Variants in BCR observed in about 807,000 individuals in gnomAD.
BCR encodes breakpoint cluster region protein.
Under a neutral mutation model 138.6 loss-of-function variants are expected in BCR, and 58 were observed. The observed-to-expected ratio is 0.42, with a 90% confidence interval of 0.34 to 0.52. BCR has a LOEUF of 0.52. BCR is among the 20% of genes least tolerant of loss of function. BCR has a pLI of 0.06. For synonymous variants in BCR, 786 were observed against 730.1 expected (o/e 1.08, Z -1.23); for missense variants, 1,599 against 1,727.2 (o/e 0.93, Z 1.32).
At chr22:23,307,903 A>C (rs1017837661) in intron 16 of BCR, 5 of 133,006 alleles carry the variant, frequency 3.8e-5, no homozygotes, top group African/African-American at 1.2e-4. Context: ...AGAGCTTCTT[A>C]TTTTCTGGCC....
chr22:23,297,729 A>G (rs1003549241), intron 16 of BCR, among the ~76,000 whole-genome samples: 1 of 152,264 alleles, frequency 6.6e-6, no homozygotes, highest in Admixed American at 6.5e-5. Flanking sequence ...CATTGACTCA[A>G]TTCATCCAAA....
At chr22:23,223,549 C>T (rs986107106) in intron 1 of BCR, among the ~76,000 whole-genome samples, 1 of 152,194 alleles carries the variant, frequency 6.6e-6, no homozygotes, top group Non-Finnish European at 1.5e-5. Context: ...CTTCCCTCTT[C>T]TCCTGGTATC....
chr22:23,201,835 G>A (rs923204648), intron 1 of BCR, among the ~76,000 whole-genome samples: 9 of 152,142 alleles, frequency 5.9e-5, no homozygotes, highest in South Asian at 2.1e-4. Flanking sequence ...CTGGGAGTCC[G>A]TGGACATTGG....
chr22:23,250,472 G>A (rs918895967), intron 1 of BCR, among the ~76,000 whole-genome samples: 5 of 152,184 alleles, frequency 3.3e-5, no homozygotes, highest in African/African-American at 9.7e-5. Flanking sequence ...TGAGGAAGGG[G>A]CTTTGCTGGC....
At chr22:23,238,617 C>T (rs1255672386) in intron 1 of BCR, among the ~76,000 whole-genome samples, 1 of 152,118 alleles carries the variant, frequency 6.6e-6, no homozygotes, top group Non-Finnish European at 1.5e-5. Flanking sequence ...GGATTCGAGG[C>T]AGCACTTCTG....
rs992691806 is a variant in BCR, at chr22:23,233,527, C to T, written c.1280-20272C>T. ...AAGAGGCCAGGCATGGAGGCTCGTG[C>T]CTGTAATCCCAGCACTTTGAGAGGC... is the stretch of plus-strand genomic sequence containing the variant. On this transcript the variant is annotated intron_variant, in intron 1 of 22. Coordinates refer to ENST00000305877, the MANE Select transcript of BCR (RefSeq NM_004327.4). Among the ~76,000 whole-genome samples the T allele has an allele frequency of 3.9e-5, 6 of 152,130 alleles. No homozygotes were observed. In the East Asian group the frequency reaches 9.6e-4, roughly 24 times the overall value.
chr22:23,302,667 A>G (rs939406444), intron 16 of BCR: 1 of 152,186 alleles, frequency 6.6e-6, no homozygotes, highest in Non-Finnish European at 1.5e-5. Context: ...CACGGGGGAG[A>G]AAGAGGCCAG....
rs776602598 is a variant in BCR, at chr22:23,285,150, C to T, written c.2355C>T (p.Asp785=). 9.3e-6 allele frequency: 15 copies of T among 1,613,754 alleles called. No individual in the cohort carries two copies. The highest frequency in any genetic ancestry group is 5.3e-5 in the African/African-American group (4 of 74,902). ...CCCTGGTGCCCGATGAGGAGCTGGA[C>T]GCTTTGAAGATCAAGATCTCCCAGA... ...NIPLVPDEEL[D]ALKIKISQIK... The change falls in exon 10 of 23, where the codon GAC becomes GAT. Residue 785 remains aspartate (D), a synonymous_variant. Coordinates refer to ENST00000305877, the MANE Select transcript of BCR (RefSeq NM_004327.4).
chr22:23,264,128 C>G (rs1602079883), intron 4 of BCR: 1 of 1,520,320 alleles, frequency 6.6e-7, no homozygotes, highest in East Asian at 2.3e-5. Context: ...AGGAGCCCCA[C>G]AACAGCACCC....
chr22:23,271,507 T>A, intron 5 of BCR, 25 bp from the exon 6 acceptor site: 1 of 1,613,332 alleles, frequency 6.2e-7, no homozygotes, highest in Non-Finnish European at 8.5e-7. Context: ...GTCATCTGTG[T>A]GAACATGCGC....
chr22:23,232,842 G>A (rs2072974137), intron 1 of BCR, among the ~76,000 whole-genome samples: 1 of 152,236 alleles, frequency 6.6e-6, no homozygotes, highest in African/African-American at 2.4e-5. Flanking sequence ...GGTCAGGCCA[G>A]ACCATGGAGC....
At chr22:23,309,303 T>C in intron 16 of BCR, 121 bp from the exon 17 acceptor site, 2 of 904,808 alleles carry the variant, frequency 2.2e-6, no homozygotes, top group Non-Finnish European at 3.5e-6. Flanking sequence ...ATGGAGGTGC[T>C]GGCCGCAGTC....
intron 1 of BCR, among the ~76,000 whole-genome samples, chr22:23,242,656 T>C (rs1207034332): frequency 6.6e-6 from 1 of 152,220 alleles, no homozygotes. Context: ...TCACAGACTC[T>C]GCCCCTCCAA....
chr22:23,194,391 ATTTT>A (rs1244638787), intron 1 of BCR, among the ~76,000 whole-genome samples: 88 of 139,942 alleles, frequency 6.3e-4, no homozygotes, highest in East Asian at 3.0e-3. Flanking sequence ...GTGGGTCTCC[ATTTT>A]TTTTTTCTTT....
chr22:23,273,740 C>T lies in BCR; in HGVS notation c.2081C>T (p.Pro694Leu), dbSNP rs2073538018. 6.2e-7 allele frequency: 1 copy of T among 1,614,006 alleles called. No individual in the cohort carries two copies. The highest frequency in any genetic ancestry group is 8.5e-7 in the Non-Finnish European group (1 of 1,180,042). Residue 694 changes from proline to leucine, a missense_variant, in exon 8 of 23, where the codon CCC becomes CTC. This residue lies in a region of BCR where 590 missense variants were observed against 762.4 expected (regional missense o/e 0.77). Transcript: ENST00000305877. The part of the protein sequence containing the change: ...FLSSINEEIT[P>L]RRQSMTVKKG... ...TCCAGCATCAATGAGGAGATCACAC[C>T]CCGACGGCAGTCCATGACGGTGAAG... is the stretch of plus-strand genomic sequence containing the variant.
chr22:23,271,564 G>C lies in BCR; in HGVS notation c.1893G>C (p.Lys631Asn). The change falls in exon 6 of 23, where the codon AAG becomes AAC. Residue 631 changes from lysine to asparagine, a missense_variant. Physicochemically the swap from Lys to Asn is moderately conservative, Grantham distance 94 (BLOSUM62 0). This residue lies in a region of BCR where 590 missense variants were observed against 762.4 expected (regional missense o/e 0.77). Coordinates refer to ENST00000305877, the MANE Select transcript of BCR (RefSeq NM_004327.4). ...NLRARSNKDA[K>N]DPTTKNSLET... ...GAGCCAGAAGCAACAAAGATGCCAA[G>C]GATCCAACGACCAAGAACTCTCTGG... 6.2e-7 allele frequency: 1 copy of C among 1,614,084 alleles called. No homozygotes were observed. The highest frequency in any genetic ancestry group is 8.5e-7 in the Non-Finnish European group (1 of 1,180,036).
At chr22:23,243,594 AAACTGGT>A (rs2073122498) in intron 1 of BCR, among the ~76,000 whole-genome samples, 1 of 151,888 alleles carries the variant, frequency 6.6e-6, no homozygotes, top group African/African-American at 2.4e-5. Flanking sequence ...CCTTTACAAT[AAACTGGT>A]AAATGTGAGT....
At chr22:23,238,399 G>A (rs988154752) in intron 1 of BCR, among the ~76,000 whole-genome samples, 3 of 152,000 alleles carry the variant, frequency 2.0e-5, no homozygotes, top group African/African-American at 7.3e-5. Context: ...TTTGACATCT[G>A]CCCACACCTG....
At chr22:23,197,938 A>G (rs1164613838) in intron 1 of BCR, among the ~76,000 whole-genome samples, 1 of 152,058 alleles carries the variant, frequency 6.6e-6, no homozygotes, top group African/African-American at 2.4e-5. Flanking sequence ...GGCAGGTTTC[A>G]GGGCCTTTCG....
Sources: gnomAD v4.1 joint callset for allele counts (sites outside exome capture counted in the v4.1 genomes callset) on GRCh38, gnomAD v4.1.1 for gene constraint, gnomAD v4.1.1 regional missense constraint, MANE v1.5 for transcripts, NCBI Gene and HGNC (gene_info 2026-07-23, HGNC 2026-07-21) for gene names.